CCDC198: variants seen among roughly 807,000 people sequenced by gnomAD.
CCDC198 encodes factor associated with metabolism and energy.
Under a neutral mutation model 35.6 loss-of-function variants are expected in CCDC198, and 18 were observed. The observed-to-expected ratio is 0.51, with a 90% CI of 0.35 to 0.75. CCDC198 has a LOEUF of 0.75. Ranked by LOEUF, CCDC198 falls within the 30% of genes least tolerant of loss-of-function variation. The pLI, the probability that CCDC198 is intolerant of heterozygous loss-of-function variation, is 0.01. For synonymous variants in CCDC198, 119 were observed against 113.4 expected (o/e 1.05, Z -0.31); for missense variants, 365 against 343.7 (o/e 1.06, Z -0.49).
chr14:57,475,078 A>G (rs373732719), intron 5 of CCDC198, among the ~76,000 whole-genome samples: 71 of 152,092 alleles, frequency 4.7e-4, no homozygotes, highest in Admixed American at 1.6e-3. Context: ...TGGCTAACAC[A>G]GTGAACCCCC....
At chr14:57,486,622 C>T (rs1295271392) in intron 2 of CCDC198, among the ~76,000 whole-genome samples, 2 of 152,068 alleles carry the variant, frequency 1.3e-5, no homozygotes, top group Admixed American at 1.3e-4. Context: ...TCCACATTGC[C>T]TTAAGTGAAT....
chr14:57,487,999 T>TC (rs2067423895), intron 2 of CCDC198, among the ~76,000 whole-genome samples: 1 of 152,150 alleles, frequency 6.6e-6, no homozygotes, highest in South Asian at 2.1e-4. Context: ...CATGAGCATA[T>TC]CCTCTGGCCA....
rs914949552 is a variant in CCDC198, at chr14:57,470,121, A to G, written c.*1234T>C. 1 of 152,190 alleles carries G rather than the reference A, an allele frequency of 6.6e-6. No individual in the cohort carries two copies. Among genetic ancestry groups the G allele is most frequent in the African/African-American group, 2.4e-5 (1 of 41,448 alleles). 9.4% of individuals were successfully genotyped at this position (152,190 alleles called of 1,614,324 possible). ...TTTAAGGAGCTCTAAAATCTACATC[A>G]TAATCTAAGAAGTCTTAATTTTGAA... On this transcript the variant is annotated 3_prime_UTR_variant, in exon 6 of 6. Coordinates refer to ENST00000216445, the MANE Select transcript of CCDC198 (RefSeq NM_018168.4).
chr14:57,493,605 C>G lies in CCDC198; in HGVS notation c.111G>C (p.Gln37His). The change falls in exon 1 of 6, where the codon CAG (glutamine) becomes CAC (histidine). Residue 37 changes from glutamine to histidine, a missense_variant. Transcript: ENST00000216445. ...SAGRVDFAFN[Q>H]NLEEKTSYSL... ...AATATGAAGTCTTTTCTTCCAAATT[C>G]TGATTGAATGCAAAGTCCACACGGC... 1 of 1,613,962 alleles carries G rather than the reference C, an allele frequency of 6.2e-7. No individual in the cohort carries two copies. Among genetic ancestry groups the G allele is most frequent in the Non-Finnish European group, 8.5e-7 (1 of 1,179,920 alleles).
intron 2 of CCDC198, among the ~76,000 whole-genome samples, chr14:57,485,140 T>C (rs2067315584): frequency 6.6e-6 from 1 of 152,178 alleles, no homozygotes; most frequent in Non-Finnish European, 1.5e-5. Context: ...TTGAGACACC[T>C]TTAAGACAGG....
At chr14:57,492,267 A>C (rs1203512465) in intron 1 of CCDC198, among the ~76,000 whole-genome samples, 1 of 151,978 alleles carries the variant, frequency 6.6e-6, no homozygotes, top group Non-Finnish European at 1.5e-5. Flanking sequence ...GATCATGAGG[A>C]TTCTCATGAT....
chr14:57,483,138 A>G lies in CCDC198; in HGVS notation c.320T>C (p.Ile107Thr). 6.2e-7 allele frequency: 1 copy of G among 1,614,076 alleles called. No individual in the cohort carries two copies. The highest frequency in any genetic ancestry group is 1.1e-5 in the South Asian group (1 of 91,080). The part of the protein sequence containing the change: ...PPQRLQKLEP[I>T]DLPRVITSGR... ...TGAAGTAATTACTCGTGGCAAGTCA[A>G]TGGGTTCAAGCTTCTAGAAGTTCAA... The change falls in exon 3 of 6, where the codon ATT becomes ACT. Residue 107 changes from isoleucine to threonine, a missense_variant. Coordinates refer to ENST00000216445, the MANE Select transcript of CCDC198 (RefSeq NM_018168.4).
intron 5 of CCDC198, among the ~76,000 whole-genome samples, chr14:57,473,822 T>C (rs779715663): frequency 6.6e-6 from 1 of 152,222 alleles, no homozygotes; most frequent in Non-Finnish European, 1.5e-5. Context: ...TACAAAACCC[T>C]GTGTGATTTG....
In CCDC198 at chr14:57,469,719, A is replaced by C. The variant is rs1438978149; in HGVS notation, c.*1636T>G. 1.3e-4 allele frequency: 20 copies of C among 152,214 alleles called. No individual in the cohort carries two copies. The highest frequency in any genetic ancestry group is 1.3e-3 in the Admixed American group (20 of 15,284). The allele number at this position is 152,214 out of a possible 1,614,324, so 9.4% of individuals were successfully genotyped here. ...GAAGACTACTCACAAAGAACTGGGA[A>C]TAGATATGGCCTGGGACAATCTAAT... On this transcript the variant is annotated 3_prime_UTR_variant, in exon 6 of 6. Transcript: ENST00000216445.
At chr14:57,493,173 A>G (rs889572268) in intron 1 of CCDC198, among the ~76,000 whole-genome samples, 5 of 152,294 alleles carry the variant, frequency 3.3e-5, no homozygotes, top group Non-Finnish European at 1.5e-5. Flanking sequence ...ACTAGTATCT[A>G]TATAATTTTA....
intron 2 of CCDC198, among the ~76,000 whole-genome samples, chr14:57,486,708 C>A (rs981504392): frequency 6.6e-6 from 1 of 151,996 alleles, no homozygotes; most frequent in Admixed American, 6.6e-5. Context: ...TCTGAAGAAG[C>A]CAAGAATTTT....
chr14:57,478,412 C>T (rs2067072335), intron 5 of CCDC198: 2 of 935,750 alleles, frequency 2.1e-6, no homozygotes, highest in Non-Finnish European at 2.5e-6. Flanking sequence ...AGAGATAATG[C>T]ATATTAAAGG....
At chr14:57,472,245 C>A (rs1017537750) in intron 5 of CCDC198, among the ~76,000 whole-genome samples, 3 of 152,070 alleles carry the variant, frequency 2.0e-5, no homozygotes, top group Admixed American at 1.3e-4. Flanking sequence ...CTCTTCTACC[C>A]TTTTCTTCTC....
chr14:57,488,572 T>C (rs1358739969), intron 2 of CCDC198, among the ~76,000 whole-genome samples: 9 of 152,054 alleles, frequency 5.9e-5, no homozygotes, highest in African/African-American at 1.9e-4. Context: ...TAAGATTGAA[T>C]AAGACATAGT....
intron 5 of CCDC198, chr14:57,478,474 C>CA (rs2067074114): frequency 1.0e-6 from 1 of 986,112 alleles, no homozygotes; most frequent in African/African-American, 1.7e-5. Context: ...TTAGCTTGAA[C>CA]AAAACGAAGC....
At chr14:57,490,012 C>G (rs551370460) in intron 2 of CCDC198, among the ~76,000 whole-genome samples, 7 of 152,144 alleles carry the variant, frequency 4.6e-5, no homozygotes, top group African/African-American at 1.4e-4. Flanking sequence ...GGAAAAGATA[C>G]TCTTTTGAGA....
chr14:57,480,798 A>G, intron 4 of CCDC198, 44 bp from the exon 5 acceptor site: 11 of 1,603,230 alleles, frequency 6.9e-6, no homozygotes, highest in Non-Finnish European at 9.4e-6. Flanking sequence ...TTCCCAAGCT[A>G]CTTTCACCAG....
Position 57,493,747 on chromosome 14 carries a change from G to A in CCDC198, c.-32C>T, listed in dbSNP as rs1177426924. 21 of 1,550,226 alleles carry A rather than the reference G, an allele frequency of 1.4e-5. No individual in the cohort carries two copies. Among genetic ancestry groups the A allele is most frequent in the Middle Eastern group, 1.7e-4 (1 of 5,904 alleles). On this transcript the variant is annotated 5_prime_UTR_variant, in exon 1 of 6. Coordinates refer to ENST00000216445, the MANE Select transcript of CCDC198 (RefSeq NM_018168.4). ...TGAAAGACATTCAGAGGAAAGCTGC[G>A]AGGGAAGTGGTTTTGGGGTCTTTAA...
intron 5 of CCDC198, among the ~76,000 whole-genome samples, chr14:57,472,287 A>G (rs1249674584): frequency 6.6e-6 from 1 of 151,720 alleles, no homozygotes; most frequent in South Asian, 2.1e-4. Flanking sequence ...ACACCCCATC[A>G]CCGTTCCTCC....
Sources: allele counts gnomAD v4.1 joint callset (sites outside exome capture counted in the v4.1 genomes callset), GRCh38; gene constraint gnomAD v4.1.1; transcripts MANE v1.5; gene names NCBI Gene and HGNC (gene_info 2026-07-23, HGNC 2026-07-21).